RPAP1: variants seen among roughly 807,000 people sequenced by gnomAD.
RPAP1 encodes RNA polymerase II associated protein 1, also known as RNA polymerase II-associated protein 1.
A neutral mutation model predicts 142.4 loss-of-function variants in RPAP1; 109 were observed. That is an observed-to-expected ratio of 0.77 (90% CI 0.66 to 0.90). The LOEUF is 0.90. Among genes scored for constraint, RPAP1 ranks in the 40% least tolerant of loss-of-function variants. The pLI, the probability that RPAP1 is intolerant of heterozygous loss-of-function variation, is 0.00. For synonymous variants in RPAP1, 704 were observed against 738.9 expected, an observed-to-expected ratio of 0.95 and a Z score of 0.77; for missense variants, 1,546 against 1,751.7, an observed-to-expected ratio of 0.88 and a Z score of 2.10.
chr15:41,530,977 T>C, intron 7 of RPAP1, 46 bp downstream of exon 7: 1 of 1,558,742 alleles, frequency 6.4e-7, no homozygotes, highest in South Asian at 1.1e-5. Context: ...AGGGACAATT[T>C]CCCCTACTTT....
Position 41,527,043 on chromosome 15 carries a change from T to C in RPAP1, c.1772A>G (p.Glu591Gly). Residue 591 changes from glutamate to glycine, a missense_variant, in exon 14 of 25, where the codon GAG becomes GGG. Physicochemically the swap from Glu to Gly is moderately conservative, Grantham distance 98. Transcript: ENST00000304330. ...TRVLECPRLI[E>G]TIVREFLPTS... ...GGGCAAGAACTCTCGAACTATAGTC[T>C]CTATCAGCCGAGGGCACTCCAGGAC... 6.2e-7 allele frequency: 1 copy of C among 1,614,142 alleles called. No homozygotes were observed. The highest frequency in any genetic ancestry group is 8.5e-7 in the Non-Finnish European group (1 of 1,180,016).
Position 41,535,609 on chromosome 15 carries a change from C to T in RPAP1, c.444G>A (p.Lys148=). 6.2e-7 allele frequency: 1 copy of T among 1,613,902 alleles called. No individual in the cohort carries two copies. The highest frequency in any genetic ancestry group is 2.2e-5 in the East Asian group (1 of 44,858). The change falls in exon 5 of 25, where the codon AAG becomes AAA. Residue 148 remains lysine, a synonymous_variant. Transcript: ENST00000304330. ...CAATTTCCTGGGCAAAGATGCTTCTCTTACCAGATGTTGCTGATTTCCCCT... is the reference window on the plus strand; with the variant it reads ...CAATTTCCTGGGCAAAGATGCTTCTTTTACCAGATGTTGCTGATTTCCCCT... ...DTQGKSATSG[K]RSIFAQEIAA...
chr15:41,539,586 G>A (rs2051950336), intron 1 of RPAP1, among the ~76,000 whole-genome samples: 2 of 151,490 alleles, frequency 1.3e-5, no homozygotes, highest in Admixed American at 6.6e-5. Context: ...GTGAGCCACC[G>A]TGCCCCACAA....
chr15:41,518,902 CT>C (rs903936797), intron 22 of RPAP1, among the ~76,000 whole-genome samples: 1 of 152,138 alleles, frequency 6.6e-6, no homozygotes, highest in African/African-American at 2.4e-5. Context: ...ACAATAACTT[CT>C]TTTTTTAATA....
In RPAP1 at chr15:41,520,602, AG is replaced by A; in HGVS notation, c.3583del (p.Leu1195SerfsTer10). ...GCCAGGGAGTCGGCAGTCCAGGTTG[AG>A]GTTTGGCAAGACTTGAGGCTGACAG... Reference protein sequence around the residue: ...QLCQPQVLPNLNLDCRLPGLT... With the variant: ...QLCQPQVLPNXNLDCRLPGLT... On this transcript the variant is annotated frameshift_variant, in exon 22 of 25. Coordinates refer to ENST00000304330, the MANE Select transcript of RPAP1 (RefSeq NM_015540.4). LOFTEE classifies it high-confidence loss of function. 1 of 1,614,184 alleles carries A rather than the reference AG, an allele frequency of 6.2e-7. No individual in the cohort carries two copies. Among genetic ancestry groups the A allele is most frequent in the Non-Finnish European group, 8.5e-7 (1 of 1,180,026 alleles).
rs373237205 is a variant in RPAP1, at chr15:41,531,341, C to T, written c.764-139G>A. The T allele has an allele frequency of 1.1e-4, 90 of 809,878 alleles. No individual in the cohort carries two copies. The African/African-American group carries it at 1.4e-3, about 13-fold the overall frequency. 50.2% of individuals were successfully genotyped at this position (809,878 alleles called of 1,614,324 possible). Reference sequence around the variant, plus strand: ...GCTTCCGAGCCTGGGCCTGAGCCTTCTGGGTGCTCCTGTGGCCCATCAATG... The same window carrying T: ...GCTTCCGAGCCTGGGCCTGAGCCTTTTGGGTGCTCCTGTGGCCCATCAATG... On this transcript the variant is annotated intron_variant, in intron 6 of 24. Coordinates refer to ENST00000304330, the MANE Select transcript of RPAP1 (RefSeq NM_015540.4).
chr15:41,539,785 C>T (rs752545417), intron 1 of RPAP1, among the ~76,000 whole-genome samples: 1 of 151,884 alleles, frequency 6.6e-6, no homozygotes. Flanking sequence ...CATCAGTAAT[C>T]CCAGCACTTT....
Position 41,537,082 on chromosome 15 carries a change from A to C in RPAP1, c.44T>G (p.Leu15Arg). 1 of 1,614,160 alleles carries C rather than the reference A, an allele frequency of 6.2e-7. No individual in the cohort carries two copies. The highest frequency in any genetic ancestry group is 8.5e-7 in the Non-Finnish European group (1 of 1,180,040). ...TGCGAGAAACTGACTCTGGAAGTGC[A>C]GCAGGTCCACCTCGGACTCCCCTGG... ...PKPGESEVDL[L>R]HFQSQFLAAG... Residue 15 changes from leucine (L) to arginine (R), a missense_variant, in exon 2 of 25, where the codon CTG (leucine) becomes CGG (arginine). Transcript: ENST00000304330.
At chr15:41,521,953 T>C (rs2051730192) in intron 20 of RPAP1, 73 bp from the exon 21 acceptor site, 1 of 1,577,702 alleles carries the variant, frequency 6.3e-7, no homozygotes, top group South Asian at 1.1e-5. Context: ...AGGAAGAGGA[T>C]AAAAGTGAGG....
At chr15:41,534,648 A>C in intron 6 of RPAP1, 66 bp downstream of exon 6, 2 of 1,162,860 alleles carry the variant, frequency 1.7e-6, no homozygotes, top group East Asian at 4.8e-5. Context: ...ACTCACAGTA[A>C]GCCTAGCTCA....
intron 17 of RPAP1, 147 bp from the exon 18 acceptor site, chr15:41,523,501 G>A (rs1279023632): frequency 3.0e-6 from 2 of 657,590 alleles, no homozygotes. Context: ...GGGAGAGAAG[G>A]CCCCGATGTG....
In RPAP1 at chr15:41,529,909, G is replaced by A; in HGVS notation, c.1014C>T (p.His338=). 6.2e-7 allele frequency: 1 copy of A among 1,613,748 alleles called. No individual in the cohort carries two copies. The highest frequency in any genetic ancestry group is 8.5e-7 in the Non-Finnish European group (1 of 1,179,784). Residue 338 remains histidine (H), a synonymous_variant, in exon 8 of 25, where the codon CAC becomes CAT. Coordinates refer to ENST00000304330, the MANE Select transcript of RPAP1 (RefSeq NM_015540.4). ...GGACAGGGGGCAAGTCCTGGGTCCA[G>A]TGGAGCTTCTCCAGCTCGACAGTGT... is the stretch of plus-strand genomic sequence containing the variant. ...HMDTVELEKL[H]WTQDLPPVRR...
At chr15:41,521,426 A>G (rs1433838260) in intron 21 of RPAP1, among the ~76,000 whole-genome samples, 1 of 152,262 alleles carries the variant, frequency 6.6e-6, no homozygotes, top group Non-Finnish European at 1.5e-5. Context: ...AATACTTAAA[A>G]TGTAGATAAA....
intron 7 of RPAP1, among the ~76,000 whole-genome samples, chr15:41,530,811 G>C (rs1318606342): frequency 1.3e-5 from 2 of 152,218 alleles, no homozygotes; most frequent in Non-Finnish European, 2.9e-5. Context: ...GGAAGGCGGA[G>C]AAGGGGCAGT....
intron 5 of RPAP1, 136 bp downstream of exon 5, chr15:41,535,374 CAT>C: frequency 1.6e-6 from 2 of 1,257,672 alleles, no homozygotes; most frequent in Non-Finnish European, 2.2e-6. Flanking sequence ...CCAAGCCTCC[CAT>C]ACCTAGTATT....
chr15:41,524,123 G>A lies in RPAP1; in HGVS notation c.2207C>T (p.Ala736Val), dbSNP rs770868584. 5 of 1,591,656 alleles carry A rather than the reference G, an allele frequency of 3.1e-6. No individual in the cohort carries two copies. In the East Asian group the frequency reaches 1.1e-4, roughly 36 times the overall value. Residue 736 changes from alanine to valine, a missense_variant, in exon 16 of 25, where the codon GCC becomes GTC. Around this residue, in one of 3 missense-constraint regions of RPAP1, gnomAD observed 1,333 missense variants for 1,486.6 expected, o/e 0.90. Coordinates refer to ENST00000304330, the MANE Select transcript of RPAP1 (RefSeq NM_015540.4). The stretch of plus-strand genomic sequence containing the variant: ...GATGGTTTCAGCAGGGGTACTGCCG[G>A]CTGCCAGGGTTAGCTGGGTGAGGAG... ...LTLLTQLTLA[A>V]GSTPAETISD...
intron 5 of RPAP1, 134 bp from the exon 6 acceptor site, chr15:41,535,069 C>G: frequency 1.3e-6 from 1 of 778,224 alleles, no homozygotes; most frequent in Non-Finnish European, 2.0e-6. Context: ...GGAGACCCCA[C>G]TGGGTCTGGC....
chr15:41,536,097 C>G (rs765668409), intron 4 of RPAP1, 32 bp downstream of exon 4: 2 of 1,563,422 alleles, frequency 1.3e-6, no homozygotes, highest in Non-Finnish European at 1.8e-6. Context: ...CTGTCTGTCT[C>G]CTGAGCACCA....
At chr15:41,530,504 T>C (rs2051836901) in intron 7 of RPAP1, among the ~76,000 whole-genome samples, 1 of 152,220 alleles carries the variant, frequency 6.6e-6, no homozygotes, top group African/African-American at 2.4e-5. Context: ...TTCCTGGCTC[T>C]CATAATTCAA....
Sources: gnomAD v4.1 joint callset for allele counts (sites outside exome capture counted in the v4.1 genomes callset) on GRCh38, gnomAD v4.1.1 for gene constraint, gnomAD v4.1.1 regional missense constraint, MANE v1.5 for transcripts, NCBI Gene and HGNC (gene_info 2026-07-23, HGNC 2026-07-21) for gene names.